Variants in EXT1 observed in about 807,000 individuals in gnomAD.
The protein encoded by EXT1 is exostosin glycosyltransferase 1, also known as exostosin-1.
In EXT1, 20 loss-of-function variants were observed where a neutral mutation model predicts 82.5. The observed-to-expected ratio is 0.24, with a 90% CI of 0.17 to 0.35. The LOEUF (loss-of-function observed/expected upper bound fraction) is 0.35. Ranked by LOEUF, EXT1 falls within the 10% of genes least tolerant of loss-of-function variation. EXT1 has a pLI of 1.00. For synonymous variants in EXT1, 348 were observed against 350.8 expected (o/e 0.99, Z 0.09); for missense variants, 757 against 936.5 (o/e 0.81, Z 2.50).
At chr8:118,017,160 C>A (rs894282574) in intron 1 of EXT1, among the ~76,000 whole-genome samples, 2 of 152,144 alleles carry the variant, frequency 1.3e-5, no homozygotes, top group Admixed American at 1.3e-4. Context: ...CTGCTTGAAT[C>A]TGAATCTGAT....
chr8:117,949,743 C>T (rs981608019), intron 1 of EXT1, among the ~76,000 whole-genome samples: 15 of 151,770 alleles, frequency 9.9e-5, no homozygotes, highest in African/African-American at 2.7e-4. Context: ...ATTTAGAAAA[C>T]GAAAGAGAGA....
In EXT1 at chr8:117,807,067, A is replaced by C. The variant is rs1487989254; in HGVS notation, c.1883+150T>G. The C allele has an allele frequency of 5.8e-6, 5 of 860,808 alleles. No homozygotes were observed. In the Admixed American group the frequency reaches 1.0e-4, roughly 17 times the overall value. 53.3% of individuals were successfully genotyped at this position (860,808 alleles called of 1,614,324 possible). On this transcript the variant is annotated intron_variant, in intron 9 of 10. Transcript: ENST00000378204. Reference sequence around the variant, plus strand: ...AAGAGGTTTCACTGGTTTCAAAAACACACATTTGACACATCAGCAAAACTT... The same window carrying C: ...AAGAGGTTTCACTGGTTTCAAAAACCCACATTTGACACATCAGCAAAACTT...
intron 1 of EXT1, among the ~76,000 whole-genome samples, chr8:118,076,727 C>T (rs1012348330): frequency 6.6e-6 from 1 of 152,108 alleles, no homozygotes; most frequent in South Asian, 2.1e-4. Flanking sequence ...TTTAGGAGGT[C>T]GAGATGCCTT....
At chr8:117,871,801 G>T (rs1460180214) in intron 1 of EXT1, among the ~76,000 whole-genome samples, 1 of 152,076 alleles carries the variant, frequency 6.6e-6, no homozygotes, top group Non-Finnish European at 1.5e-5. Context: ...GTAGGGCTGG[G>T]GTGGGCACGG....
At chr8:117,934,307 A>G (rs1291323518) in intron 1 of EXT1, among the ~76,000 whole-genome samples, 1 of 152,116 alleles carries the variant, frequency 6.6e-6, no homozygotes, top group Admixed American at 6.5e-5. Context: ...TGGACGAAGG[A>G]TCCAGGGAGG....
intron 1 of EXT1, among the ~76,000 whole-genome samples, chr8:118,000,345 G>C (rs1281858516): frequency 2.0e-5 from 3 of 152,038 alleles, no homozygotes; most frequent in African/African-American, 7.2e-5. Flanking sequence ...CCTTGACAAA[G>C]GCTGAGTTTA....
intron 1 of EXT1, among the ~76,000 whole-genome samples, chr8:118,073,438 T>C (rs1322802069): frequency 6.6e-6 from 1 of 152,084 alleles, no homozygotes; most frequent in African/African-American, 2.4e-5. Context: ...CTGGCCAACA[T>C]GGCAAAACCC....
At chr8:118,043,455 CCA>C (rs1816567685) in intron 1 of EXT1, among the ~76,000 whole-genome samples, 1 of 152,206 alleles carries the variant, frequency 6.6e-6, no homozygotes, top group Admixed American at 6.5e-5. Context: ...CACGAAGCTT[CCA>C]CAGACTAATG....
intron 1 of EXT1, among the ~76,000 whole-genome samples, chr8:117,937,808 A>G (rs1814196247): frequency 6.6e-6 from 1 of 152,152 alleles, no homozygotes; most frequent in Non-Finnish European, 1.5e-5. Flanking sequence ...GTGTGTGTGT[A>G]CACACATTGC....
At position 117,945,472 on chromosome 8, in the gene EXT1, T is replaced by G. The variant is rs143732088; in HGVS notation, c.963-108271A>C. On this transcript the variant is annotated intron_variant, in intron 1 of 10. Coordinates refer to ENST00000378204, the MANE Select transcript of EXT1 (RefSeq NM_000127.3). ...GTTTAAGGATCAGGGGACTCCACTT[T>G]CCTCTTCCAGTTGAAGTGCTCTGTG... 7.6e-3 allele frequency among the ~76,000 whole-genome samples: 1,160 copies of G among 152,268 alleles called. 17 individuals are homozygous for G. Among genetic ancestry groups the G allele is most frequent in the African/African-American group, 0.027 (1,118 of 41,546 alleles).
chr8:118,007,279 A>G (rs1815799019), intron 1 of EXT1, among the ~76,000 whole-genome samples: 1 of 152,112 alleles, frequency 6.6e-6, no homozygotes, highest in Admixed American at 6.6e-5. Flanking sequence ...CCTGGGGGAC[A>G]CAGCGAGACA....
At chr8:117,837,078 C>G (rs1812198985) in intron 2 of EXT1, 30 bp downstream of exon 2, 1 of 1,554,032 alleles carries the variant, frequency 6.4e-7, no homozygotes, top group East Asian at 2.2e-5. Context: ...GTCCTCAGCC[C>G]TATTCTGGGA....
At chr8:117,803,851 T>C (rs1823201846) in intron 10 of EXT1, among the ~76,000 whole-genome samples, 1 of 152,218 alleles carries the variant, frequency 6.6e-6, no homozygotes, top group African/African-American at 2.4e-5. Context: ...AAGGTAGATT[T>C]CACCATTTCC....
chr8:117,820,047 T>C (rs1343536360), intron 5 of EXT1, among the ~76,000 whole-genome samples: 1 of 152,178 alleles, frequency 6.6e-6, no homozygotes, highest in Non-Finnish European at 1.5e-5. Context: ...CCTTTGCCCC[T>C]CTTGGTGATG....
chr8:118,032,730 G>C (rs769485052), intron 1 of EXT1, among the ~76,000 whole-genome samples: 7 of 151,768 alleles, frequency 4.6e-5, no homozygotes, highest in Non-Finnish European at 8.8e-5. Flanking sequence ...GGCTGGTCTC[G>C]AACTCCCGAC....
chr8:117,847,402 T>A (rs1008360097), intron 1 of EXT1, among the ~76,000 whole-genome samples: 2 of 152,188 alleles, frequency 1.3e-5, no homozygotes, highest in African/African-American at 4.8e-5. Flanking sequence ...TGTTTTTATT[T>A]CTACAGGTCT....
rs2130042837 is a variant in EXT1 at position 118,110,468 on chromosome 8, A to T, written c.579T>A (p.Phe193Leu). The T allele has an allele frequency of 6.2e-7, 1 of 1,614,150 alleles. No individual in the cohort carries two copies. The highest frequency in any genetic ancestry group is 2.2e-5 in the East Asian group (1 of 44,866). The change falls in exon 1 of 11, where the codon TTT (phenylalanine) becomes TTA (leucine). Residue 193 changes from phenylalanine (F) to leucine (L), a missense_variant. Around this residue, in one of 4 missense-constraint regions of EXT1, gnomAD observed 247 missense variants for 330.1 expected, o/e 0.75. Coordinates refer to ENST00000378204, the MANE Select transcript of EXT1 (RefSeq NM_000127.3). ...LWNNGRNHLI[F>L]NLYSGTWPDY... ...CAGGCCAAGTGCCGGAATATAAATT[A>T]AAAATTAAATGATTCCTACCATTGT...
intron 1 of EXT1, among the ~76,000 whole-genome samples, chr8:118,029,258 G>C (rs1816263837): frequency 6.6e-6 from 1 of 152,014 alleles, no homozygotes; most frequent in South Asian, 2.1e-4. Flanking sequence ...GTAAGACCCA[G>C]TCTCTACAAA....
At chr8:117,980,730 T>TTTTTTG (rs1211662873) in intron 1 of EXT1, among the ~76,000 whole-genome samples, 1 of 145,308 alleles carries the variant, frequency 6.9e-6, no homozygotes, top group Non-Finnish European at 1.5e-5. Context: ...TTTTTTTTTT[T>TTTTTTG]TCCAGTGTGA....
Sources: allele counts gnomAD v4.1 joint callset (sites outside exome capture counted in the v4.1 genomes callset), GRCh38; gene constraint gnomAD v4.1.1; regional missense constraint gnomAD v4.1.1; transcripts MANE v1.5; gene names NCBI Gene and HGNC (gene_info 2026-07-23, HGNC 2026-07-21).